Variants in SRGAP3 observed in about 807,000 individuals in gnomAD.
SRGAP3 encodes SLIT-ROBO Rho GTPase-activating protein 3.
Under a neutral mutation model 121.1 loss-of-function variants are expected in SRGAP3, and 39 were observed. The observed-to-expected ratio is 0.32, with a 90% CI of 0.25 to 0.42. SRGAP3 has a LOEUF of 0.42. SRGAP3 is among the 10% of genes least tolerant of loss of function. The pLI is 1.00. For missense variants in SRGAP3, 1,213 were observed against 1,470.6 expected, an observed-to-expected ratio of 0.82 and a Z score of 2.86; for synonymous variants, 601 against 570.0, an observed-to-expected ratio of 1.05 and a Z score of -0.77.
At chr3:9,299,354 C>A (rs189519445) in intron 3 of SRGAP3, among the ~76,000 whole-genome samples, 2 of 134,470 alleles carry the variant, frequency 1.5e-5, no homozygotes, top group Admixed American at 7.6e-5. Flanking sequence ...AGCGAGACTC[C>A]GTCCCAAAAA....
chr3:9,230,867 A>AAAAAG (rs200090712), intron 1 of SRGAP3, among the ~76,000 whole-genome samples: 4 of 149,016 alleles, frequency 2.7e-5, no homozygotes, highest in East Asian at 2.0e-4. Context: ...AAAAAAAAAA[A>AAAAAG]AAAAGAAAAG....
intron 3 of SRGAP3, among the ~76,000 whole-genome samples, chr3:9,299,549 C>T (rs973450133): frequency 1.3e-5 from 2 of 152,050 alleles, no homozygotes; most frequent in African/African-American, 2.4e-5. Flanking sequence ...TAGGCAAGTA[C>T]GTTTTTGGTG....
At chr3:9,344,769 G>A (rs377097290) in intron 1 of SRGAP3, among the ~76,000 whole-genome samples, 14 of 152,268 alleles carry the variant, frequency 9.2e-5, no homozygotes, top group African/African-American at 3.4e-4. Flanking sequence ...AAGCGTGGTG[G>A]CTCATGCCTG....
At chr3:9,230,477 C>T (rs1288333044) in intron 1 of SRGAP3, among the ~76,000 whole-genome samples, 2 of 152,166 alleles carry the variant, frequency 1.3e-5, no homozygotes, top group South Asian at 2.1e-4. Context: ...GACAATCGTA[C>T]CCCCATGCCA....
intron 1 of SRGAP3, among the ~76,000 whole-genome samples, chr3:9,155,624 C>T (rs1950391341): frequency 6.6e-6 from 1 of 152,132 alleles, no homozygotes. Context: ...TTCCTCAGCA[C>T]TGGCTTTTAA....
chr3:9,144,233 C>T (rs1041888124), intron 1 of SRGAP3, among the ~76,000 whole-genome samples: 2 of 152,198 alleles, frequency 1.3e-5, no homozygotes, highest in Non-Finnish European at 2.9e-5. Context: ...AGATCAAGTC[C>T]TTTATGTGGC....
chr3:9,233,251 A>C (rs983734207), intron 1 of SRGAP3, among the ~76,000 whole-genome samples: 21 of 152,236 alleles, frequency 1.4e-4, no homozygotes, highest in African/African-American at 2.4e-5. Context: ...CTTTCATCCA[A>C]GGTCATTCAG....
At chr3:9,295,580 T>C (rs959605197) in intron 3 of SRGAP3, among the ~76,000 whole-genome samples, 8 of 152,202 alleles carry the variant, frequency 5.3e-5, no homozygotes, top group Non-Finnish European at 1.2e-4. Flanking sequence ...TGGAAAATAA[T>C]GTCACAATGG....
At chr3:9,010,138 T>C (rs112975991) in intron 18 of SRGAP3, among the ~76,000 whole-genome samples, 170 bp downstream of exon 18, 6 of 152,338 alleles carry the variant, frequency 3.9e-5, no homozygotes, top group African/African-American at 1.2e-4. Context: ...ATGCCAGGAC[T>C]TGGGGCATGC....
At chr3:9,200,398 T>C (rs1225099286) in intron 1 of SRGAP3, among the ~76,000 whole-genome samples, 1 of 152,120 alleles carries the variant, frequency 6.6e-6, no homozygotes, top group Non-Finnish European at 1.5e-5. Flanking sequence ...TGCTATATTC[T>C]AGCACAAATA....
chr3:9,178,026 G>A (rs1231885841), intron 1 of SRGAP3, among the ~76,000 whole-genome samples: 1 of 152,058 alleles, frequency 6.6e-6, no homozygotes, highest in Non-Finnish European at 1.5e-5. Flanking sequence ...CTAGCACTTT[G>A]GGAGGCCAAG....
At chr3:9,062,242 A>C (rs1946209604) in intron 5 of SRGAP3, among the ~76,000 whole-genome samples, 1 of 152,166 alleles carries the variant, frequency 6.6e-6, no homozygotes, top group African/African-American at 2.4e-5. Flanking sequence ...TTTATAGATG[A>C]GGAAATGAGA....
chr3:9,323,033 G>T (rs1218102136), intron 3 of SRGAP3, among the ~76,000 whole-genome samples: 3 of 151,870 alleles, frequency 2.0e-5, no homozygotes, highest in African/African-American at 7.2e-5. Flanking sequence ...ATATGTCCCA[G>T]AGGCATTCCC....
intron 15 of SRGAP3, among the ~76,000 whole-genome samples, chr3:9,015,144 C>G (rs1943567799): frequency 6.6e-6 from 1 of 152,176 alleles, no homozygotes; most frequent in African/African-American, 2.4e-5. Context: ...CCCCATCACC[C>G]AAGGGGAAAA....
Position 8,985,640 on chromosome 3 carries a change from A to G in SRGAP3, c.3179T>C (p.Val1060Ala), listed in dbSNP as rs1227890103. 3.8e-6 allele frequency: 6 copies of G among 1,594,402 alleles called. No homozygotes were observed. The African/African-American group carries it at 5.4e-5, about 14-fold the overall frequency. ...AQLRPPPMRP[V>A]RPVVQHRSSS... Reference sequence around the variant, plus strand: ...GGACCGGTGCTGGACCACCGGCCGCACGGGCCGCATGGGGGGCGGGCGGAG... The same window carrying G: ...GGACCGGTGCTGGACCACCGGCCGCGCGGGCCGCATGGGGGGCGGGCGGAG... The change falls in exon 22 of 22, where the codon GTG (valine) becomes GCG (alanine). Residue 1060 changes from valine (V) to alanine (A), a missense_variant. By Grantham distance (64) the Val-to-Ala change is moderately conservative (BLOSUM62 0). This residue lies in a region of SRGAP3 where 420 missense variants were observed against 437.7 expected (regional missense o/e 0.96). Transcript: ENST00000383836. The surrounding 1 kb of genome is among the most constrained non-coding windows in gnomAD (Gnocchi z 5.1).
intron 13 of SRGAP3, among the ~76,000 whole-genome samples, chr3:9,025,764 A>T (rs1316028068): frequency 6.6e-6 from 1 of 152,182 alleles, no homozygotes; most frequent in African/African-American, 2.4e-5. Flanking sequence ...ACCCTTATAC[A>T]TGACATGACA....
At chr3:9,043,587 G>C (rs1324678185) in intron 10 of SRGAP3, among the ~76,000 whole-genome samples, 2 of 152,076 alleles carry the variant, frequency 1.3e-5, no homozygotes, top group Non-Finnish European at 2.9e-5. Flanking sequence ...TCACATTCCA[G>C]CTCTCAAGAA....
intron 2 of SRGAP3, among the ~76,000 whole-genome samples, chr3:9,110,541 G>A (rs953877993): frequency 3.0e-4 from 45 of 152,364 alleles, no homozygotes; most frequent in Admixed American, 2.7e-3. Flanking sequence ...GGGCCAAGCC[G>A]CGGTGGCGCC....
intron 1 of SRGAP3, among the ~76,000 whole-genome samples, chr3:9,362,049 G>A (rs2030885510): frequency 6.6e-6 from 1 of 150,414 alleles, no homozygotes; most frequent in African/African-American, 2.4e-5. Context: ...TGGCCACTGT[G>A]TTTAGCATAA....
Sources: allele counts gnomAD v4.1 joint callset (sites outside exome capture counted in the v4.1 genomes callset), GRCh38; gene constraint gnomAD v4.1.1; regional missense constraint gnomAD v4.1.1; non-coding constraint Gnocchi (gnomAD v3.1); transcripts MANE v1.5; gene names NCBI Gene and HGNC (gene_info 2026-07-23, HGNC 2026-07-21).